PAM: variants seen among roughly 807,000 people sequenced by gnomAD.
The protein encoded by PAM is peptidyl-glycine alpha-amidating monooxygenase.
Under a neutral mutation model 122.1 loss-of-function variants are expected in PAM, and 72 were observed. That is an observed-to-expected ratio of 0.59 (90% CI 0.49 to 0.72). The LOEUF is 0.72. Among genes scored for constraint, PAM ranks in the 30% least tolerant of loss-of-function variants. The pLI is 0.00. For missense variants in PAM, 1,106 were observed against 1,183.7 expected, an observed-to-expected ratio of 0.93 and a Z score of 0.96; for synonymous variants, 389 against 404.4, an observed-to-expected ratio of 0.96 and a Z score of 0.46.
chr5:102,790,179 C>T (rs1761688214), intron 1 of PAM, among the ~76,000 whole-genome samples: 1 of 152,042 alleles, frequency 6.6e-6, no homozygotes, highest in African/African-American at 2.4e-5. Context: ...CTTACATGCT[C>T]AGTGAACAGA....
At position 103,003,444 on chromosome 5, in the gene PAM, A is replaced by G. The variant is rs192610069; in HGVS notation, c.1730+295A>G. ...CCTATTTCATAATTGCTAAATGAGT[A>G]TATTTGGAATGTTCTCACCTCAAAA... is the stretch of plus-strand genomic sequence containing the variant. On this transcript the variant is annotated intron_variant, in intron 17 of 25. Transcript: ENST00000438793. Among the ~76,000 whole-genome samples the G allele has an allele frequency of 2.0e-5, 3 of 152,254 alleles. No homozygotes were observed. The East Asian group carries it at 5.8e-4, about 29-fold the overall frequency.
intron 15 of PAM, among the ~76,000 whole-genome samples, chr5:102,979,169 G>A (rs934866393): frequency 6.6e-6 from 1 of 152,086 alleles, no homozygotes; most frequent in South Asian, 2.1e-4. Context: ...GGTATTATAG[G>A]TGTATTGGTC....
chr5:103,022,336 G>T (rs1433351703), intron 23 of PAM, among the ~76,000 whole-genome samples: 2 of 151,910 alleles, frequency 1.3e-5, no homozygotes, highest in Admixed American at 6.6e-5. Flanking sequence ...AGTTCTGTCT[G>T]TGATGAACTG....
chr5:102,977,658 G>GCGCA (rs1195392580), intron 15 of PAM, among the ~76,000 whole-genome samples: 860 of 143,022 alleles, frequency 6.0e-3, no homozygotes, highest in African/African-American at 7.3e-3. Flanking sequence ...ATGCATGTGC[G>GCGCA]CACACACACA....
intron 1 of PAM, among the ~76,000 whole-genome samples, chr5:102,792,466 C>T (rs1762285466): frequency 6.6e-6 from 1 of 152,110 alleles, no homozygotes; most frequent in Non-Finnish European, 1.5e-5. Context: ...TCTTCTTTAT[C>T]TATTTGCCAA....
At chr5:102,818,952 G>A (rs73189012) in intron 1 of PAM, among the ~76,000 whole-genome samples, 2,160 of 152,110 alleles carry the variant, frequency 0.014, 43 homozygotes, top group African/African-American at 0.05. Context: ...AAAACATAAC[G>A]AACTGTTGAG....
chr5:102,980,717 A>G (rs1388617731), intron 15 of PAM, among the ~76,000 whole-genome samples: 1 of 152,212 alleles, frequency 6.6e-6, no homozygotes, highest in African/African-American at 2.4e-5. Flanking sequence ...GTATTAATTA[A>G]CTTAGCTAAT....
chr5:103,007,673 ATG>A lies in PAM; in HGVS notation c.2215+18_2215+19del, dbSNP rs752783511. 1.4e-6 allele frequency: 2 copies of A among 1,474,070 alleles called. No individual in the cohort carries two copies. The highest frequency in any genetic ancestry group is 2.3e-5 in the South Asian group (2 of 88,078). 91.3% of individuals were successfully genotyped at this position (1,474,070 alleles called of 1,614,324 possible). On this transcript the variant is annotated intron_variant, in intron 20 of 25. Coordinates refer to ENST00000438793, the MANE Select transcript of PAM (RefSeq NM_001177306.2). ...TATATACCAGGTATTTCATCTTAAT[ATG>A]TTTGTTGTCTTCTGTCCTACTGTAC...
chr5:103,005,988 G>A (rs1041859873), intron 18 of PAM, among the ~76,000 whole-genome samples: 1 of 152,130 alleles, frequency 6.6e-6, no homozygotes, highest in Non-Finnish European at 1.5e-5. Context: ...AGGCTGGAAT[G>A]CAGTGGCACG....
intron 1 of PAM, among the ~76,000 whole-genome samples, chr5:102,843,059 G>C (rs1035681261): frequency 8.5e-5 from 13 of 152,186 alleles, no homozygotes; most frequent in African/African-American, 2.9e-4. Flanking sequence ...TCTACAGCTT[G>C]ATCAGTGGTA....
intron 23 of PAM, among the ~76,000 whole-genome samples, chr5:103,022,101 A>C: frequency 6.8e-6 from 1 of 147,594 alleles, no homozygotes; most frequent in Admixed American, 6.8e-5. Context: ...CTCACCCCCA[A>C]GCCCACCCCC....
intron 12 of PAM, among the ~76,000 whole-genome samples, chr5:102,958,608 A>G (rs1761541993): frequency 6.6e-6 from 1 of 152,154 alleles, no homozygotes; most frequent in South Asian, 2.1e-4. Context: ...GGGAGAGGCA[A>G]TTACACTGAC....
chr5:102,989,261 T>A (rs1425790973), intron 15 of PAM, among the ~76,000 whole-genome samples: 1 of 152,124 alleles, frequency 6.6e-6, no homozygotes, highest in African/African-American at 2.4e-5. Context: ...CCCCACACTT[T>A]GGGAGGCTGA....
upstream of PAM, chr5:102,754,865 A>G (rs1749663225): frequency 6.6e-6 from 1 of 152,282 alleles, no homozygotes; most frequent in African/African-American, 2.4e-5. Flanking sequence ...GGAGGGTCAG[A>G]GACTTTCAGG....
chr5:102,962,334 A>G (rs1762749202), intron 14 of PAM, among the ~76,000 whole-genome samples: 1 of 151,840 alleles, frequency 6.6e-6, no homozygotes, highest in Non-Finnish European at 1.5e-5. Flanking sequence ...AGCTAAATTT[A>G]TCAATCCTGT....
intron 7 of PAM, 85 bp downstream of exon 7, chr5:102,926,753 A>G: frequency 1.4e-6 from 1 of 730,830 alleles, no homozygotes. Context: ...CTACATCTTA[A>G]AAAGAATTGC....
chr5:102,995,428 A>G (rs1775404940), intron 16 of PAM, among the ~76,000 whole-genome samples: 1 of 152,084 alleles, frequency 6.6e-6, no homozygotes, highest in Non-Finnish European at 1.5e-5. Context: ...AGATTTACCA[A>G]TTCAGTCAGG....
chr5:102,924,910 A>C, intron 5 of PAM, 47 bp from the exon 6 acceptor site: 2 of 998,430 alleles, frequency 2.0e-6, no homozygotes, highest in Non-Finnish European at 3.2e-6. Context: ...CAATTTATGC[A>C]TTTCACTATT....
intron 3 of PAM, among the ~76,000 whole-genome samples, chr5:102,889,322 G>T (rs1315449810): frequency 6.6e-6 from 1 of 151,922 alleles, no homozygotes; most frequent in Non-Finnish European, 1.5e-5. Context: ...CTGGTAGGCA[G>T]CAGGTTGGCA....
Sources: allele counts gnomAD v4.1 joint callset (sites outside exome capture counted in the v4.1 genomes callset), GRCh38; gene constraint gnomAD v4.1.1; transcripts MANE v1.5; gene names NCBI Gene and HGNC (gene_info 2026-07-23, HGNC 2026-07-21).